The following THSD7B variants were observed in gnomAD, a reference collection of about 807,000 sequenced individuals.
The protein encoded by THSD7B is thrombospondin type-1 domain-containing protein 7B.
THSD7B carries 138 observed loss-of-function variants against 213.6 expected under a neutral mutation model. That is an observed-to-expected ratio of 0.65 (90% CI 0.56 to 0.74). The LOEUF (loss-of-function observed/expected upper bound fraction) is 0.74, where lower values mean the gene tolerates loss of function less well. Ranked by LOEUF, THSD7B falls within the 30% of genes least tolerant of loss-of-function variation. The pLI is 0.00. For synonymous variants in THSD7B, 742 were observed against 687.0 expected (o/e 1.08, Z -1.25); for missense variants, 1,931 against 1,991.5 (o/e 0.97, Z 0.58).
chr2:137,156,455 T>TTAATA (rs1679910846), intron 5 of THSD7B, among the ~76,000 whole-genome samples: 1 of 152,204 alleles, frequency 6.6e-6, no homozygotes, highest in Admixed American at 6.5e-5. Context: ...AATATGTCAC[T>TTAATA]TAATAGTCCC....
intron 2 of THSD7B, among the ~76,000 whole-genome samples, chr2:136,893,279 T>C (rs1683897101): frequency 6.6e-6 from 1 of 152,228 alleles, no homozygotes; most frequent in Non-Finnish European, 1.5e-5. Flanking sequence ...CAAATGTTCA[T>C]TGGCTTTAGA....
chr2:137,296,533 G>A (rs1683467534), intron 12 of THSD7B, among the ~76,000 whole-genome samples: 1 of 152,058 alleles, frequency 6.6e-6, no homozygotes, highest in Non-Finnish European at 1.5e-5. Flanking sequence ...TGAGAACAAT[G>A]TACTTACCAT....
intron 7 of THSD7B, among the ~76,000 whole-genome samples, chr2:137,225,158 T>A (rs1172997066): frequency 6.6e-6 from 1 of 152,304 alleles, no homozygotes; most frequent in East Asian, 1.9e-4. Context: ...CATTGTACAG[T>A]TTTTGCTGAA....
intron 12 of THSD7B, among the ~76,000 whole-genome samples, chr2:137,350,378 A>G (rs959817286): frequency 6.6e-6 from 1 of 151,920 alleles, no homozygotes; most frequent in South Asian, 2.1e-4. Context: ...CTATGTGTAA[A>G]TCCGTGTGTA....
At chr2:137,277,011 T>A (rs1202233654) in intron 12 of THSD7B, among the ~76,000 whole-genome samples, 1 of 152,054 alleles carries the variant, frequency 6.6e-6, no homozygotes, top group African/African-American at 2.4e-5. Flanking sequence ...CATATATCAC[T>A]AAATTATTGT....
At chr2:137,253,838 A>G (rs1422541000) in intron 10 of THSD7B, among the ~76,000 whole-genome samples, 2 of 152,128 alleles carry the variant, frequency 1.3e-5, no homozygotes, top group African/African-American at 4.8e-5. Flanking sequence ...TGATTTCTAA[A>G]TTAGAGTGTG....
intron 3 of THSD7B, among the ~76,000 whole-genome samples, chr2:137,064,117 C>A (rs757140672): frequency 6.6e-6 from 1 of 151,990 alleles, no homozygotes; most frequent in Non-Finnish European, 1.5e-5. Context: ...TACTGTGTTC[C>A]AACCAACAGT....
chr2:136,792,091 T>C (rs1681975056), intron 1 of THSD7B, among the ~76,000 whole-genome samples: 1 of 152,094 alleles, frequency 6.6e-6, no homozygotes, highest in Non-Finnish European at 1.5e-5. Flanking sequence ...CTCATTGTGC[T>C]TTTAATTTGT....
chr2:137,110,588 C>A (rs531541647), intron 4 of THSD7B, among the ~76,000 whole-genome samples: 70 of 152,278 alleles, frequency 4.6e-4, no homozygotes, highest in Admixed American at 1.5e-3. Flanking sequence ...GTTTCTCTAA[C>A]ATTTAGAATG....
chr2:136,775,545 G>T (rs1324670816), intron 1 of THSD7B, among the ~76,000 whole-genome samples: 1 of 151,988 alleles, frequency 6.6e-6, no homozygotes, highest in Non-Finnish European at 1.5e-5. Context: ...TTTGTTCAGG[G>T]GATAAAGAAC....
intron 5 of THSD7B, 48 bp downstream of exon 5, chr2:137,115,341 A>G (rs1573832410): frequency 2.1e-6 from 3 of 1,437,456 alleles, no homozygotes; most frequent in African/African-American, 2.9e-5. Flanking sequence ...GTTGGAAGGA[A>G]AATCTCTCCA....
intron 9 of THSD7B, among the ~76,000 whole-genome samples, chr2:137,239,154 A>G (rs1681844209): frequency 6.6e-6 from 1 of 152,042 alleles, no homozygotes; most frequent in African/African-American, 2.4e-5. Context: ...TTTTGAAATA[A>G]TTATAGATCC....
chr2:137,389,402 A>ATTTTTTTTTTTTTTT lies in THSD7B; in HGVS notation c.2501-16198_2501-16184dup, dbSNP rs70978214. 1.6e-4 allele frequency among the ~76,000 whole-genome samples: 6 copies of ATTTTTTTTTTTTTTT among 38,050 alleles called. 1 individual carries two copies. Among genetic ancestry groups the ATTTTTTTTTTTTTTT allele is most frequent in the Admixed American group, 4.4e-4 (1 of 2,256 alleles). 25.0% of individuals were successfully genotyped at this position (38,050 alleles called of 152,430 possible). ...GATAGTTTGACCACTTCTTAATGTG[A>ATTTTTTTTTTTTTTT]TTTTTTTTTTTTTTTTTTTTTTTTT... On this transcript the variant is annotated intron_variant, in intron 12 of 27. Transcript: ENST00000409968.
chr2:136,986,983 G>A (rs1685684668), intron 2 of THSD7B, among the ~76,000 whole-genome samples: 2 of 152,344 alleles, frequency 1.3e-5, no homozygotes, highest in African/African-American at 4.8e-5. Context: ...CAGCAAAAGT[G>A]TTGATAGAGA....
rs542422604 is a variant in THSD7B, at chr2:137,036,199, T to G, written c.140-20221T>G. 2.0e-5 allele frequency among the ~76,000 whole-genome samples: 3 copies of G among 152,304 alleles called. No homozygotes were observed. The South Asian group carries it at 6.2e-4, about 32-fold the overall frequency. ...AATACTCACTCTTCATATCAAAACA[T>G]TCCATAGAACTACCTTACAGTTTCT... On this transcript the variant is annotated intron_variant, in intron 2 of 27. Transcript: ENST00000409968.
intron 15 of THSD7B, among the ~76,000 whole-genome samples, chr2:137,466,211 C>T (rs1392484412): frequency 2.6e-5 from 4 of 152,064 alleles, no homozygotes; most frequent in South Asian, 4.1e-4. Flanking sequence ...TTCAAGGTAA[C>T]GGTAAATATT....
rs575578821 is a variant in THSD7B, at chr2:137,204,926, A to G, written c.1724-26118A>G. 2.6e-4 allele frequency among the ~76,000 whole-genome samples: 39 copies of G among 152,226 alleles called. 1 individual carries two copies. The highest frequency in any genetic ancestry group is 5.9e-4 in the Admixed American group (9 of 15,266). ...AATTTGGAGTCAATGAGCATCAGTA[A>G]TGCATGGACAAAATCTTCGTCATCA... On this transcript the variant is annotated intron_variant, in intron 7 of 27. Transcript: ENST00000409968.
At chr2:136,831,129 CTTT>C in intron 1 of THSD7B, among the ~76,000 whole-genome samples, 1 of 119,856 alleles carries the variant, frequency 8.3e-6, no homozygotes, top group African/African-American at 3.1e-5. Flanking sequence ...CCTGTAGAAT[CTTT>C]TTTTTTTTTT....
intron 5 of THSD7B, among the ~76,000 whole-genome samples, chr2:137,155,724 GA>G (rs1291891258): frequency 6.6e-6 from 1 of 152,128 alleles, no homozygotes; most frequent in African/African-American, 2.4e-5. Context: ...GAAAAGACTG[GA>G]GTTTTGCAGT....
Sources: allele counts gnomAD v4.1 joint callset (sites outside exome capture counted in the v4.1 genomes callset), GRCh38; gene constraint gnomAD v4.1.1; transcripts MANE v1.5; gene names NCBI Gene and HGNC (gene_info 2026-07-23, HGNC 2026-07-21).